HAGH: variants seen among roughly 807,000 people sequenced by gnomAD.
HAGH encodes hydroxyacylglutathione hydrolase, also known as hydroxyacylglutathione hydrolase, mitochondrial.
A neutral mutation model predicts 35.1 loss-of-function variants in HAGH; 29 were observed. That is an observed-to-expected ratio of 0.83 (90% confidence interval 0.62 to 1.13). The LOEUF (loss-of-function observed/expected upper bound fraction) is 1.13, where lower values mean the gene tolerates loss of function less well. HAGH is among the 50% of genes most tolerant of loss of function. The pLI, the probability that HAGH is intolerant of heterozygous loss-of-function variation, is 0.00. For synonymous variants in HAGH, 225 were observed against 176.1 expected, an observed-to-expected ratio of 1.28 and a Z score of -2.20; for missense variants, 478 against 419.6, an observed-to-expected ratio of 1.14 and a Z score of -1.22.
intron 3 of HAGH, 49 bp from the exon 4 acceptor site, chr16:1,820,063 GCCTGCTGAGCTGAGGGGGC>G (rs1898084462): frequency 3.9e-6 from 4 of 1,028,292 alleles, no homozygotes; most frequent in Non-Finnish European, 6.1e-6. Context: ...TGAGGGGGCT[GCCTGCTGAGCTGAGGGGGC>G]TGCCTGCTGA....
At chr16:1,821,192 C>T (rs1225465582) in intron 3 of HAGH, among the ~76,000 whole-genome samples, 1 of 152,204 alleles carries the variant, frequency 6.6e-6, no homozygotes, top group African/African-American at 2.4e-5. Flanking sequence ...AGCCCAGGTC[C>T]CTGCACGGAC....
At chr16:1,821,278 C>T (rs1057372201) in intron 3 of HAGH, among the ~76,000 whole-genome samples, 13 of 152,300 alleles carry the variant, frequency 8.5e-5, no homozygotes, top group South Asian at 8.3e-4. Flanking sequence ...AGTCCAGCTG[C>T]GTGTGAACCA....
Position 1,816,956 on chromosome 16 carries a change from G to C in HAGH, c.684C>G (p.Leu228=). 6.2e-7 allele frequency: 1 copy of C among 1,613,900 alleles called. No homozygotes were observed. Among genetic ancestry groups the C allele is most frequent in the Non-Finnish European group, 8.5e-7 (1 of 1,179,766 alleles). ...YCGHEYTINN[L]KFARHVEPGN... is the part of the protein sequence containing the mutation. ...CGGGCTCCACGTGGCGTGCAAACTT[G>C]AGGTTGTTGATGGTGTACTCGTGGC... Residue 228 remains leucine, a synonymous_variant, in exon 7 of 9, where the codon CTC becomes CTG. Coordinates refer to ENST00000397356, the MANE Select transcript of HAGH (RefSeq NM_005326.6).
intron 1 of HAGH, among the ~76,000 whole-genome samples, chr16:1,825,628 C>T (rs1333287792): frequency 6.6e-6 from 1 of 152,192 alleles, no homozygotes; most frequent in Non-Finnish European, 1.5e-5. Flanking sequence ...GGCTACAGTG[C>T]AGTGGTGCGA....
chr16:1,822,806 G>A (rs1898211407), intron 2 of HAGH, 59 bp downstream of exon 2: 1 of 1,441,798 alleles, frequency 6.9e-7, no homozygotes. Flanking sequence ...AACCCATCGG[G>A]GGTGAGGACT....
At chr16:1,812,904 G>A (rs1006692230) in intron 7 of HAGH, among the ~76,000 whole-genome samples, 15 of 152,134 alleles carry the variant, frequency 9.9e-5, no homozygotes, top group Admixed American at 5.2e-4. Context: ...GTGGTGTGCC[G>A]AAAGACACGG....
At position 1,819,916 on chromosome 16, in the gene HAGH, G is replaced by A. The variant is rs1324270291; in HGVS notation, c.413C>T (p.Thr138Ile). ...DRIGALTHKI[T>I]HLSTLQVGSL... ...CCTTACCTGCAGTGTGGACAGGTGAGTGATCTTGTGAGTCAGGGCCCCGAT... is the reference window on the plus strand; with the variant it reads ...CCTTACCTGCAGTGTGGACAGGTGAATGATCTTGTGAGTCAGGGCCCCGAT... Residue 138 changes from threonine to isoleucine, a missense_variant, in exon 4 of 9, where the codon ACT (threonine) becomes ATT (isoleucine). Thr to Ile is a moderately conservative substitution (Grantham distance 89). Transcript: ENST00000397356. The A allele has an allele frequency of 1.9e-6, 3 of 1,608,694 alleles. No homozygotes were observed. Among genetic ancestry groups the A allele is most frequent in the African/African-American group, 2.7e-5 (2 of 74,774 alleles).
At position 1,807,973 on chromosome 16, in the gene HAGH, G is replaced by GT. The variant is rs1461528543; in HGVS notation, c.*1309dup. The stretch of plus-strand genomic sequence containing the variant: ...TCTATAGGACCAGGTGGCAGAGGGT[G>GT]TGGGCCCCACACAGAGTCACCTCCC... On this transcript the variant is annotated 3_prime_UTR_variant, in exon 9 of 9. Coordinates refer to ENST00000397356, the MANE Select transcript of HAGH (RefSeq NM_005326.6). 1 of 152,306 alleles carries GT rather than the reference G, an allele frequency of 6.6e-6. No homozygotes were observed. Among genetic ancestry groups the GT allele is most frequent in the Admixed American group, 6.5e-5 (1 of 15,278 alleles). The allele number at this position is 152,306 out of a possible 1,614,324, so 9.4% of individuals were successfully genotyped here. A position where few individuals can be genotyped will look rare whatever the true frequency, so the allele number is the denominator to read the frequency against.
intron 7 of HAGH, chr16:1,810,893 G>A (rs1243417399): frequency 1.3e-5 from 2 of 152,180 alleles, no homozygotes; most frequent in East Asian, 1.9e-4. Context: ...CCCTTCTGGC[G>A]AAAAGAATCT....
At position 1,812,893 on chromosome 16, in the gene HAGH, T is replaced by C. The variant is rs532981634; in HGVS notation, c.748-3060A>G. Among the ~76,000 whole-genome samples the C allele has an allele frequency of 4.7e-5, 6 of 126,438 alleles. No homozygotes were observed. In the South Asian group the frequency reaches 1.3e-3, roughly 27 times the overall value. The allele number at this position is 126,438 out of a possible 152,430, so 82.9% of individuals were successfully genotyped here. On this transcript the variant is annotated intron_variant, in intron 7 of 8. Transcript: ENST00000397356. ...TCCACCGCGTGGGCTGGCTCCACCG[T>C]GTGGTGTGCCGAAAGACACGGACCA...
intron 8 of HAGH, 35 bp from the exon 9 acceptor site, chr16:1,809,417 G>A (rs368217046): frequency 5.0e-5 from 78 of 1,557,948 alleles, no homozygotes; most frequent in African/African-American, 1.8e-4. Flanking sequence ...AGGCTGTGCC[G>A]AGCCACGCCC....
intron 7 of HAGH, 21 bp downstream of exon 7, chr16:1,816,872 C>A (rs11862755): frequency 6.6e-7 from 1 of 1,509,332 alleles, no homozygotes; most frequent in Middle Eastern, 1.7e-4. Flanking sequence ...GAAGGCACTG[C>A]GCAGTGACGG....
chr16:1,809,921 T>C (rs930550659), intron 7 of HAGH, 88 bp from the exon 8 acceptor site: 10 of 964,516 alleles, frequency 1.0e-5, no homozygotes, highest in African/African-American at 9.6e-5. Flanking sequence ...ACCAGCACTT[T>C]GGGAGGCTAA....
upstream of HAGH, chr16:1,826,829 A>G: frequency 1.7e-6 from 2 of 1,187,038 alleles, no homozygotes; most frequent in Non-Finnish European, 2.1e-6. Flanking sequence ...CAGGACTGCA[A>G]AACACCGGCG....
chr16:1,811,126 T>C (rs1897629260), intron 7 of HAGH, among the ~76,000 whole-genome samples: 1 of 152,192 alleles, frequency 6.6e-6, no homozygotes, highest in South Asian at 2.1e-4. Context: ...AAAAATAAGG[T>C]CAGTCAGCCG....
chr16:1,816,769 C>T (rs911493191), intron 7 of HAGH, 124 bp downstream of exon 7: 7 of 677,498 alleles, frequency 1.0e-5, no homozygotes, highest in Non-Finnish European at 1.6e-5. Flanking sequence ...GCCACACTGG[C>T]CTGAATCCCA....
intron 7 of HAGH, 156 bp from the exon 8 acceptor site, chr16:1,809,989 C>T: frequency 1.6e-6 from 1 of 619,660 alleles, no homozygotes; most frequent in Non-Finnish European, 2.9e-6. Context: ...CATGGCGAGA[C>T]CCTGTGTCTA....
chr16:1,816,928 T>G lies in HAGH; in HGVS notation c.712A>C (p.Asn238His). The part of the protein sequence containing the change: ...LKFARHVEPG[N>H]AAIREKLAWA... The stretch of plus-strand genomic sequence containing the variant: ...GCCAGCTTCTCCCGGATGGCGGCAT[T>G]GCCGGGCTCCACGTGGCGTGCAAAC... Residue 238 changes from asparagine (N) to histidine (H), a missense_variant, in exon 7 of 9, where the codon AAT becomes CAT. Transcript: ENST00000397356. 2.5e-6 allele frequency: 4 copies of G among 1,613,826 alleles called. No homozygotes were observed. Among genetic ancestry groups the G allele is most frequent in the Non-Finnish European group, 2.5e-6 (3 of 1,179,788 alleles).
chr16:1,811,028 C>G (rs888914437), intron 7 of HAGH: 2 of 152,204 alleles, frequency 1.3e-5, no homozygotes, highest in African/African-American at 4.8e-5. Flanking sequence ...AGAGGAAGTA[C>G]AAATTGTCAT....
Sources: allele counts gnomAD v4.1 joint callset (sites outside exome capture counted in the v4.1 genomes callset), GRCh38; gene constraint gnomAD v4.1.1; transcripts MANE v1.5; gene names NCBI Gene and HGNC (gene_info 2026-07-23, HGNC 2026-07-21).